The following SLC26A2 variants were observed in gnomAD, a reference collection of about 807,000 sequenced individuals.
SLC26A2 encodes solute carrier family 26 member 2.
In SLC26A2, 36 loss-of-function variants were observed where a neutral mutation model predicts 41.1. That is an observed-to-expected ratio of 0.88 (90% CI 0.67 to 1.16). The LOEUF (loss-of-function observed/expected upper bound fraction) is 1.16. Ranked by LOEUF, SLC26A2 falls within the 50% of genes most tolerant of loss-of-function variation. The probability of loss-of-function intolerance (pLI) is 0.00; values close to 1 mark genes in which losing one functional copy is unlikely to be tolerated. For missense variants in SLC26A2, 796 were observed against 869.6 expected, an observed-to-expected ratio of 0.92 and a Z score of 1.07; for synonymous variants, 291 against 311.6, an observed-to-expected ratio of 0.93 and a Z score of 0.70.
chr5:149,973,584 G>T (rs1369696873), intron 1 of SLC26A2, among the ~76,000 whole-genome samples: 1 of 151,522 alleles, frequency 6.6e-6, no homozygotes, highest in Non-Finnish European at 1.5e-5. Context: ...GTGCTGGTCT[G>T]CTGGCCTTAA....
In SLC26A2 at chr5:149,981,811, T is replaced by A. The variant is rs747357127; in HGVS notation, c.2218T>A (p.Ter740LysextTer4). The A allele has an allele frequency of 9.4e-6, 15 of 1,604,090 alleles. No individual in the cohort carries two copies. The highest frequency in any genetic ancestry group is 6.0e-6 in the Non-Finnish European group (7 of 1,172,160). ...VPNGLSLSSD[*>K] ...CAATGGTCTGAGTCTTAGTAGTGAT[T>A]AATTGAGAAGGTAGATAGAAGAATG... is the stretch of plus-strand genomic sequence containing the variant. The change falls in exon 3 of 3, where the codon TAA becomes AAA. Residue 740 changes from the stop codon to lysine, a stop_lost. Coordinates refer to ENST00000286298, the MANE Select transcript of SLC26A2 (RefSeq NM_000112.4).
chr5:149,968,398 G>GT (rs973785394), intron 1 of SLC26A2, among the ~76,000 whole-genome samples: 20 of 150,890 alleles, frequency 1.3e-4, no homozygotes, highest in East Asian at 9.7e-4. Context: ...TGTATCAGCT[G>GT]TTTTTTTTTA....
Position 149,960,793 on chromosome 5 carries a change from G to C in SLC26A2, c.-212G>C, listed in dbSNP as rs1226804138. On this transcript the variant is annotated 5_prime_UTR_variant, in exon 1 of 3. Transcript: ENST00000286298. ...GCTCTGCCTCCGGCATCTCTTCGCC[G>C]GTGCGTCCTCGCCGCGCCCGTAGGT... The C allele has an allele frequency of 2.0e-5, 3 of 152,344 alleles. No individual in the cohort carries two copies. The highest frequency in any genetic ancestry group is 6.5e-5 in the Admixed American group (1 of 15,290). The allele number at this position is 152,344 out of a possible 1,614,324, so 9.4% of individuals were successfully genotyped here.
chr5:149,967,661 A>C (rs924673049), intron 1 of SLC26A2, among the ~76,000 whole-genome samples: 2 of 152,134 alleles, frequency 1.3e-5, no homozygotes, highest in African/African-American at 4.8e-5. Flanking sequence ...TTGAAATGGA[A>C]ACTCTGTAAC....
chr5:149,982,857 T>C lies in SLC26A2; in HGVS notation c.*1044T>C, dbSNP rs527917165. ...CCAAGTGCTATGGGTGTATTATTCA[T>C]GATAGCTGGCCCACAGGTCATGAAT... On this transcript the variant is annotated 3_prime_UTR_variant, in exon 3 of 3. Transcript: ENST00000286298. 5 of 152,346 alleles carry C rather than the reference T, an allele frequency of 3.3e-5. No individual in the cohort carries two copies. The East Asian group carries it at 9.6e-4, about 29-fold the overall frequency. 9.4% of individuals were successfully genotyped at this position (152,346 alleles called of 1,614,324 possible).
intron 1 of SLC26A2, among the ~76,000 whole-genome samples, chr5:149,965,664 G>A (rs1431511245): frequency 6.6e-6 from 1 of 151,684 alleles, no homozygotes; most frequent in East Asian, 1.9e-4. Flanking sequence ...TTTGGTTGTT[G>A]ACTTGTTCAC....
intron 2 of SLC26A2, 123 bp from the exon 3 acceptor site, chr5:149,980,170 A>T (rs1172834699): frequency 1.2e-6 from 1 of 810,014 alleles, no homozygotes; most frequent in Non-Finnish European, 2.1e-6. Context: ...GATTGTGTTT[A>T]TTCTAGCTCT....
intron 1 of SLC26A2, among the ~76,000 whole-genome samples, chr5:149,977,385 C>T (rs1266035335): frequency 1.3e-5 from 2 of 152,176 alleles, no homozygotes; most frequent in Non-Finnish European, 2.9e-5. Flanking sequence ...ATGGTTTATA[C>T]TCTTGGGAAG....
intron 1 of SLC26A2, among the ~76,000 whole-genome samples, chr5:149,975,796 A>G (rs1754982428): frequency 6.6e-6 from 1 of 152,196 alleles, no homozygotes; most frequent in African/African-American, 2.4e-5. Context: ...TAAGGTTTAT[A>G]GAACTTCACA....
chr5:149,978,886 A>G (rs140443295), intron 2 of SLC26A2, among the ~76,000 whole-genome samples: 1 of 150,874 alleles, frequency 6.6e-6, no homozygotes, highest in African/African-American at 2.4e-5. Flanking sequence ...TTTATTTTTT[A>G]TTTTTATTTT....
chr5:149,960,962 G>C lies in SLC26A2; in HGVS notation c.-43G>C, dbSNP rs1257711366. On this transcript the variant is annotated 5_prime_UTR_variant, in exon 1 of 3. Coordinates refer to ENST00000286298, the MANE Select transcript of SLC26A2 (RefSeq NM_000112.4). The stretch of plus-strand genomic sequence containing the variant: ...GTGCCGCGGCGCCTGGTTGCCTGCA[G>C]CGGCCCGGACCCGAGAGGTGAGAAG... 6.5e-6 allele frequency: 1 copy of C among 152,842 alleles called. No homozygotes were observed. The highest frequency in any genetic ancestry group is 1.5e-5 in the Non-Finnish European group (1 of 68,530). The allele number at this position is 152,842 out of a possible 1,614,324, so 9.5% of individuals were successfully genotyped here. A position where few individuals can be genotyped will look rare whatever the true frequency, so the allele number is the denominator to read the frequency against.
At chr5:149,970,685 G>C (rs1029334261) in intron 1 of SLC26A2, among the ~76,000 whole-genome samples, 1 of 152,180 alleles carries the variant, frequency 6.6e-6, no homozygotes, top group Non-Finnish European at 1.5e-5. Context: ...GGGCAAAAAG[G>C]GAGGCAGTGT....
intron 1 of SLC26A2, among the ~76,000 whole-genome samples, chr5:149,964,543 C>T (rs1754769618): frequency 6.6e-6 from 1 of 151,702 alleles, no homozygotes; most frequent in Non-Finnish European, 1.5e-5. Context: ...TTTAGGAGGC[C>T]GAGGCGGGCG....
intron 1 of SLC26A2, 24 bp downstream of exon 1, chr5:149,961,003 G>GGA (rs948769288): frequency 2.6e-5 from 4 of 152,444 alleles, no homozygotes; most frequent in African/African-American, 9.6e-5. Flanking sequence ...AGCGGACCAG[G>GGA]GAAGAGGGAG....
At chr5:149,969,249 T>A (rs1417417957) in intron 1 of SLC26A2, among the ~76,000 whole-genome samples, 1 of 152,222 alleles carries the variant, frequency 6.6e-6, no homozygotes, top group Non-Finnish European at 1.5e-5. Context: ...ATAATTTTAA[T>A]CTAGTTAGGA....
intron 1 of SLC26A2, among the ~76,000 whole-genome samples, chr5:149,968,004 TTTTTTTA>T (rs151089934): frequency 0.012 from 1,759 of 152,064 alleles, 34 homozygotes; most frequent in African/African-American, 0.04. Context: ...TCCAGCTCTT[TTTTTTTA>T]TTTTTTATTT....
At chr5:149,973,793 C>G (rs1370614567) in intron 1 of SLC26A2, among the ~76,000 whole-genome samples, 1 of 152,116 alleles carries the variant, frequency 6.6e-6, no homozygotes, top group Non-Finnish European at 1.5e-5. Flanking sequence ...CACCACCATG[C>G]CTGGCCTCTT....
chr5:149,963,080 CTATA>C (rs550574561), intron 1 of SLC26A2, among the ~76,000 whole-genome samples: 1 of 100,728 alleles, frequency 9.9e-6, no homozygotes, highest in Non-Finnish European at 2.1e-5. Context: ...GGCAGTGGTG[CTATA>C]TTTATTTATT....
chr5:149,973,028 C>A (rs1279741522), intron 1 of SLC26A2, among the ~76,000 whole-genome samples: 3 of 151,838 alleles, frequency 2.0e-5, no homozygotes, highest in African/African-American at 7.3e-5. Context: ...AGTATAAGAC[C>A]TTACAGTTTG....
Sources: gnomAD v4.1 joint callset for allele counts (sites outside exome capture counted in the v4.1 genomes callset) on GRCh38, gnomAD v4.1.1 for gene constraint, MANE v1.5 for transcripts, NCBI Gene and HGNC (gene_info 2026-07-23, HGNC 2026-07-21) for gene names.